The following PTPRD variants were observed in gnomAD, a reference collection of about 807,000 sequenced individuals.
The protein encoded by PTPRD is receptor-type tyrosine-protein phosphatase delta.
A neutral mutation model predicts 214.5 loss-of-function variants in PTPRD; 34 were observed. The observed-to-expected ratio is 0.16, with a 90% confidence interval of 0.12 to 0.21. The LOEUF is 0.21. PTPRD is among the 10% of genes least tolerant of loss of function. The pLI, the probability that PTPRD is intolerant of heterozygous loss-of-function variation, is 1.00. For missense variants in PTPRD, 2,545 were observed against 2,398.7 expected (o/e 1.06, Z -1.27); for synonymous variants, 1,128 against 845.7 (o/e 1.33, Z -5.79).
At chr9:8,526,588 A>T in intron 17 of PTPRD, 39 bp downstream of exon 17, 1 of 1,537,272 alleles carries the variant, frequency 6.5e-7, no homozygotes, top group Non-Finnish European at 8.8e-7. Flanking sequence ...AGAAAGAATG[A>T]GTAAGATCAT....
intron 11 of PTPRD, among the ~76,000 whole-genome samples, chr9:8,925,320 C>T (rs555801338): frequency 2.2e-4 from 33 of 152,040 alleles, no homozygotes; most frequent in African/African-American, 6.8e-4. Flanking sequence ...AGGATGGCTC[C>T]GAGGCAGGGG....
At chr9:8,791,513 C>G (rs531201624) in intron 11 of PTPRD, among the ~76,000 whole-genome samples, 109 of 147,462 alleles carry the variant, frequency 7.4e-4, no homozygotes, top group African/African-American at 2.5e-3. Flanking sequence ...CATGAGCCAC[C>G]ATGCCCAGAC....
chr9:9,486,881 G>C (rs2095660272), intron 8 of PTPRD, among the ~76,000 whole-genome samples: 1 of 152,028 alleles, frequency 6.6e-6, no homozygotes, highest in South Asian at 2.1e-4. Context: ...TAAAAGTATG[G>C]GTCATGCCTG....
chr9:8,721,118 T>C (rs2098490891), intron 12 of PTPRD, among the ~76,000 whole-genome samples: 1 of 150,202 alleles, frequency 6.7e-6, no homozygotes, highest in Non-Finnish European at 1.5e-5. Context: ...CAGGAACAAA[T>C]GAGATTAAGA....
At chr9:9,171,240 TA>T (rs2099915196) in intron 10 of PTPRD, among the ~76,000 whole-genome samples, 1 of 152,034 alleles carries the variant, frequency 6.6e-6, no homozygotes, top group South Asian at 2.1e-4. Flanking sequence ...TTCACAGATC[TA>T]TAACTCTGAG....
chr9:8,552,009 T>C (rs975058195), intron 14 of PTPRD, among the ~76,000 whole-genome samples: 1 of 152,190 alleles, frequency 6.6e-6, no homozygotes, highest in Non-Finnish European at 1.5e-5. Flanking sequence ...AAGATCCAAG[T>C]TGAAAAGTTC....
At chr9:10,166,909 T>A (rs2099162560) in intron 3 of PTPRD, among the ~76,000 whole-genome samples, 1 of 152,146 alleles carries the variant, frequency 6.6e-6, no homozygotes. Context: ...AATCAGCTAT[T>A]CTCCATACCC....
At chr9:8,670,529 T>C (rs912825986) in intron 12 of PTPRD, among the ~76,000 whole-genome samples, 2 of 152,234 alleles carry the variant, frequency 1.3e-5, no homozygotes, top group African/African-American at 4.8e-5. Flanking sequence ...AGATGACAGA[T>C]GTTAATCTGC....
intron 11 of PTPRD, among the ~76,000 whole-genome samples, chr9:8,734,915 G>T (rs527720815): frequency 6.6e-6 from 1 of 152,240 alleles, no homozygotes; most frequent in South Asian, 2.1e-4. Context: ...ACAAGATGAC[G>T]AAAAGGCATT....
At chr9:9,433,757 CTTTAA>C (rs1176577868) in intron 8 of PTPRD, among the ~76,000 whole-genome samples, 1 of 152,118 alleles carries the variant, frequency 6.6e-6, no homozygotes, top group Non-Finnish European at 1.5e-5. Flanking sequence ...TAGCATGCCA[CTTTAA>C]TTTTAGTACC....
chr9:9,969,149 G>T (rs1457129614), intron 4 of PTPRD, among the ~76,000 whole-genome samples: 1 of 151,596 alleles, frequency 6.6e-6, no homozygotes, highest in Non-Finnish European at 1.5e-5. Flanking sequence ...ATGACCTGAG[G>T]TTACATAGAA....
chr9:9,971,076 T>A lies in PTPRD; in HGVS notation c.-471-32466A>T, dbSNP rs116029594. On this transcript the variant is annotated intron_variant, in intron 4 of 45. Transcript: ENST00000381196. The stretch of plus-strand genomic sequence containing the variant: ...CCTACAAAGATAGAAAATTTTTAAT[T>A]GGTTCTATTTGTCACCCTGCCTAAA... 2.8e-3 allele frequency among the ~76,000 whole-genome samples: 424 copies of A among 152,338 alleles called. 1 individual carries two copies. Among genetic ancestry groups the A allele is most frequent in the African/African-American group, 9.8e-3 (406 of 41,580 alleles).
At chr9:10,582,647 C>T (rs1306404909) in intron 2 of PTPRD, among the ~76,000 whole-genome samples, 1 of 152,100 alleles carries the variant, frequency 6.6e-6, no homozygotes, top group African/African-American at 2.4e-5. Context: ...TCTATCCATC[C>T]ATTTAGTATA....
intron 14 of PTPRD, among the ~76,000 whole-genome samples, chr9:8,557,450 A>ATT (rs58618742): frequency 3.0e-5 from 4 of 132,030 alleles, no homozygotes; most frequent in Non-Finnish European, 5.9e-5. Context: ...ATATATATAT[A>ATT]TATATATTTG....
At chr9:9,652,534 G>A (rs1457213368) in intron 7 of PTPRD, among the ~76,000 whole-genome samples, 1 of 151,956 alleles carries the variant, frequency 6.6e-6, no homozygotes, top group African/African-American at 2.4e-5. Flanking sequence ...TATCTGAAAG[G>A]GTCAGATTGT....
intron 35 of PTPRD, among the ~76,000 whole-genome samples, chr9:8,432,646 A>C (rs901142672): frequency 6.6e-6 from 1 of 152,230 alleles, no homozygotes; most frequent in African/African-American, 2.4e-5. Context: ...AAAGCCAGTA[A>C]AAATCTATTC....
intron 2 of PTPRD, among the ~76,000 whole-genome samples, chr9:10,373,199 T>C (rs960013857): frequency 4.6e-5 from 7 of 150,568 alleles, no homozygotes; most frequent in Admixed American, 4.6e-4. Flanking sequence ...AAGCATAATA[T>C]ATCTAATGGG....
At position 9,225,874 on chromosome 9, in the gene PTPRD, G is replaced by A. The variant is rs565138877; in HGVS notation, c.-202-42511C>T. On this transcript the variant is annotated intron_variant, in intron 9 of 45. Coordinates refer to ENST00000381196, the MANE Select transcript of PTPRD (RefSeq NM_002839.4). ...GGTCATAATATAGTATCATATTGATGCATCTCATTCAGACTTGCCATGTTA... is the reference window on the plus strand; with the variant it reads ...GGTCATAATATAGTATCATATTGATACATCTCATTCAGACTTGCCATGTTA... Among the ~76,000 whole-genome samples, 8 of 152,026 alleles carry A rather than the reference G, an allele frequency of 5.3e-5. No homozygotes were observed. The South Asian group carries it at 1.7e-3, about 32-fold the overall frequency.
chr9:10,149,054 G>A (rs1246343417), intron 3 of PTPRD, among the ~76,000 whole-genome samples: 1 of 152,110 alleles, frequency 6.6e-6, no homozygotes, highest in Non-Finnish European at 1.5e-5. Context: ...ATAATAGAAG[G>A]ACATGAGAAT....
Sources: gnomAD v4.1 joint callset for allele counts (sites outside exome capture counted in the v4.1 genomes callset) on GRCh38, gnomAD v4.1.1 for gene constraint, MANE v1.5 for transcripts, NCBI Gene and HGNC (gene_info 2026-07-23, HGNC 2026-07-21) for gene names.